BLTP3B: variants seen among roughly 807,000 people sequenced by gnomAD.
The protein encoded by BLTP3B is UHRF1 (ICBP90) binding protein 1-like.
At chr12:100,048,276 T>C in the BLTP3B span, 5 of 1,424,786 alleles carry the variant, frequency 3.5e-6, no homozygotes, top group Non-Finnish European at 4.7e-6. Flanking sequence ...TACATTAAAA[T>C]AATACTAGTT....
the BLTP3B span, chr12:100,095,860 A>G: frequency 5.8e-6 from 9 of 1,552,704 alleles, no homozygotes; most frequent in Non-Finnish European, 7.8e-6. Context: ...AAAATGTTTT[A>G]TAAAATTAAG....
At chr12:100,059,150 T>C in the BLTP3B span, 2 of 1,614,150 alleles carry the variant, frequency 1.2e-6, no homozygotes, top group Non-Finnish European at 8.5e-7. Context: ...CTTTTCCACT[T>C]TTCATCCCTT....
the BLTP3B span, among the ~76,000 whole-genome samples, chr12:100,139,613 C>A: frequency 6.6e-6 from 1 of 152,166 alleles, no homozygotes; most frequent in Non-Finnish European, 1.5e-5. Context: ...GGAAACTGGT[C>A]ATTCCCAAAT....
chr12:100,083,035 G>A, the BLTP3B span: 1 of 1,613,192 alleles, frequency 6.2e-7, no homozygotes, highest in Non-Finnish European at 8.5e-7. Flanking sequence ...ATTGAAATCT[G>A]CAAGTCTAAC....
chr12:100,056,266 G>T, the BLTP3B span, among the ~76,000 whole-genome samples: 1 of 152,092 alleles, frequency 6.6e-6, no homozygotes, highest in African/African-American at 2.4e-5. Flanking sequence ...ACTGCAAAAT[G>T]CAACGCTTAC....
At chr12:100,088,528 A>C in the BLTP3B span, among the ~76,000 whole-genome samples, 1 of 152,222 alleles carries the variant, frequency 6.6e-6, no homozygotes, top group Non-Finnish European at 1.5e-5. Flanking sequence ...CAATGCTGAA[A>C]ACACATCTAC....
the BLTP3B span, among the ~76,000 whole-genome samples, chr12:100,044,780 A>G: frequency 1.3e-5 from 2 of 152,208 alleles, no homozygotes; most frequent in African/African-American, 4.8e-5. Context: ...AATAAAGGGT[A>G]TTCAATTAGG....
the BLTP3B span, among the ~76,000 whole-genome samples, chr12:100,046,493 G>A: frequency 2.0e-5 from 3 of 150,484 alleles, no homozygotes; most frequent in South Asian, 2.1e-4. Flanking sequence ...ACTGTATACC[G>A]CATGTTCTCA....
At chr12:100,136,194 T>C in the BLTP3B span, among the ~76,000 whole-genome samples, 2 of 141,604 alleles carry the variant, frequency 1.4e-5, no homozygotes, top group Non-Finnish European at 3.0e-5. Flanking sequence ...CTGGGCAACA[T>C]AGCGAGACTC....
chr12:100,070,191 C>T, the BLTP3B span: 2 of 1,559,534 alleles, frequency 1.3e-6, no homozygotes, highest in Admixed American at 1.8e-5. Context: ...AAATGAGAAA[C>T]ACACACAGAT....
At chr12:100,048,735 G>GGGGGA in the BLTP3B span, among the ~76,000 whole-genome samples, 131 of 119,566 alleles carry the variant, frequency 1.1e-3, 1 homozygote, top group Non-Finnish European at 1.7e-3. Flanking sequence ...GTAAGGGGGG[G>GGGGGA]GAGAGAGAGA....
At chr12:100,095,264 G>T in the BLTP3B span, among the ~76,000 whole-genome samples, 1 of 152,152 alleles carries the variant, frequency 6.6e-6, no homozygotes, top group Non-Finnish European at 1.5e-5. Flanking sequence ...CAGAAGTTTT[G>T]TGTTCAATTT....
chr12:100,117,890 T>C, the BLTP3B span, among the ~76,000 whole-genome samples: 1 of 152,122 alleles, frequency 6.6e-6, no homozygotes, highest in Admixed American at 6.6e-5. Context: ...GAAATCTCCA[T>C]TTTAGGAAGT....
At chr12:100,071,134 TTCAACTATGATTTTCAGCTAGCATG>T in the BLTP3B span, among the ~76,000 whole-genome samples, 654 of 152,248 alleles carry the variant, frequency 4.3e-3, 3 homozygotes, top group Non-Finnish European at 6.5e-3. Context: ...TCTAAATATT[TTCAACTATGATTTTCAGCTAGCATG>T]ATGAAAAAGG....
the BLTP3B span, among the ~76,000 whole-genome samples, chr12:100,096,490 T>G: frequency 6.6e-6 from 1 of 152,110 alleles, no homozygotes; most frequent in African/African-American, 2.4e-5. Flanking sequence ...CAACAAGTAT[T>G]TGGCAACTGA....
the BLTP3B span, among the ~76,000 whole-genome samples, chr12:100,043,144 T>C: frequency 6.6e-6 from 1 of 152,208 alleles, no homozygotes; most frequent in Non-Finnish European, 1.5e-5. Context: ...TTTTTAGACA[T>C]AATAATAGTG....
the BLTP3B span, among the ~76,000 whole-genome samples, chr12:100,069,457 C>T: frequency 2.3e-4 from 35 of 150,996 alleles, no homozygotes; most frequent in African/African-American, 6.6e-4. Context: ...CATATATGTG[C>T]GTGTGTATAT....
the BLTP3B span, among the ~76,000 whole-genome samples, chr12:100,120,843 C>T: frequency 1.3e-5 from 2 of 152,080 alleles, no homozygotes; most frequent in Admixed American, 1.3e-4. Context: ...AAGATTTATA[C>T]ACGAATGTTC....
chr12:100,140,616 AACTG>A, the BLTP3B span, among the ~76,000 whole-genome samples: 1 of 146,902 alleles, frequency 6.8e-6, no homozygotes, highest in Non-Finnish European at 1.5e-5. Context: ...GAGGCAGGAG[AACTG>A]ATTGAAGCCA....
Sources: gnomAD v4.1 joint callset for allele counts (sites outside exome capture counted in the v4.1 genomes callset) on GRCh38, gnomAD v4.1.1 for gene constraint, MANE v1.5 for transcripts, NCBI Gene and HGNC (gene_info 2026-07-23, HGNC 2026-07-21) for gene names.